MAGEA4: variants seen among roughly 807,000 people sequenced by gnomAD.
MAGEA4 encodes melanoma-associated antigen 4.
Under a neutral mutation model 13.7 loss-of-function variants are expected in MAGEA4, and 1 was observed. The observed-to-expected ratio is 0.07, with a 90% confidence interval of 0.03 to 0.35. MAGEA4 has a LOEUF of 0.35. Ranked by LOEUF, MAGEA4 falls within the 10% of genes least tolerant of loss-of-function variation. The pLI, the probability that MAGEA4 is intolerant of heterozygous loss-of-function variation, is 0.99. For missense variants in MAGEA4, 312 were observed against 245.1 expected (o/e 1.27, Z -1.82); for synonymous variants, 132 against 101.1 (o/e 1.31, Z -1.83).
intron 1 of MAGEA4, chrX:151,918,943 C>T (rs1933243454): frequency 1.3e-6 from 1 of 747,168 alleles, no homozygotes; most frequent in Admixed American, 9.3e-5. Flanking sequence ...ATGCCACTGA[C>T]TTGCGCATTC....
chrX:151,923,161 G>A (rs1324588776), intron 1 of MAGEA4, among the ~76,000 whole-genome samples: 2 of 111,854 alleles, frequency 1.8e-5, no homozygotes, highest in Non-Finnish European at 3.8e-5. Flanking sequence ...CTGAGGGACC[G>A]GGGCTGTGCT....
At chrX:151,912,595 G>C, upstream of MAGEA4, 1 of 324,585 alleles carries the variant, frequency 3.1e-6, no homozygotes, top group Non-Finnish European at 6.0e-6. Flanking sequence ...AGAGAGCTGA[G>C]GGTTCCCCAC....
chrX:151,920,971 G>A (rs894517310), intron 1 of MAGEA4, among the ~76,000 whole-genome samples: 10 of 110,906 alleles, frequency 9.0e-5, no homozygotes, highest in Non-Finnish European at 1.5e-4. Flanking sequence ...CGCCCCCTTC[G>A]CAACGCGTTT....
chrX:151,919,415 A>G (rs1372996608), intron 1 of MAGEA4, among the ~76,000 whole-genome samples: 7 of 84,868 alleles, frequency 8.2e-5, no homozygotes, highest in Admixed American at 1.4e-4. Flanking sequence ...TCACACCACC[A>G]TCTCCCACCC....
chrX:151,924,384 T>C lies in MAGEA4; in HGVS notation c.720T>C (p.Tyr240=). The change falls in exon 3 of 3, where the codon TAT becomes TAC. Residue 240 remains tyrosine (Y), a synonymous_variant. Coordinates refer to ENST00000276344, the MANE Select transcript of MAGEA4 (RefSeq NM_001011548.1). ...GVYDGREHTV[Y]GEPRKLLTQD... ...ATGATGGGAGGGAGCACACTGTCTA[T>C]GGGGAGCCCAGGAAACTGCTCACCC... The C allele has an allele frequency of 8.3e-7, 1 of 1,210,573 alleles. No individual in the cohort carries two copies. Among genetic ancestry groups the C allele is most frequent in the South Asian group, 1.8e-5 (1 of 56,694 alleles).
At chrX:151,920,864 G>C (rs1603073386) in intron 1 of MAGEA4, among the ~76,000 whole-genome samples, 2 of 110,487 alleles carry the variant, frequency 1.8e-5, no homozygotes, top group East Asian at 5.8e-4. Context: ...GTGAGACTCT[G>C]AGGGAGGATT....
In MAGEA4 at chrX:151,924,063, G is replaced by A; in HGVS notation, c.399G>A (p.Lys133=). The A allele has an allele frequency of 1.6e-6, 2 of 1,212,205 alleles. No individual in the cohort carries two copies. The highest frequency in any genetic ancestry group is 2.2e-6 in the Non-Finnish European group (2 of 895,647). ...ATCGAGCCAAGGAGCTGGTCACAAA[G>A]GCAGAAATGCTGGAGAGAGTCATCA... is the stretch of plus-strand genomic sequence containing the variant. The part of the protein sequence containing the change: ...RKYRAKELVT[K]AEMLERVIKN... Residue 133 remains lysine, a synonymous_variant, in exon 3 of 3, where the codon AAG becomes AAA. Transcript: ENST00000276344.
chrX:151,919,190 G>A (rs1374427022), intron 1 of MAGEA4, among the ~76,000 whole-genome samples: 2 of 106,590 alleles, frequency 1.9e-5, no homozygotes, highest in African/African-American at 6.9e-5. Flanking sequence ...AGTCACATGG[G>A]ACTCTGGAGT....
chrX:151,924,383 A>G lies in MAGEA4; in HGVS notation c.719A>G (p.Tyr240Cys). The change falls in exon 3 of 3, where the codon TAT becomes TGT. Residue 240 changes from tyrosine (Y) to cysteine (C), a missense_variant. By Grantham distance (194) the Tyr-to-Cys change is radical (BLOSUM62 -2). Transcript: ENST00000276344. ...TATGATGGGAGGGAGCACACTGTCT[A>G]TGGGGAGCCCAGGAAACTGCTCACC... ...GVYDGREHTV[Y>C]GEPRKLLTQD... The G allele has an allele frequency of 2.5e-6, 3 of 1,210,730 alleles. No homozygotes were observed. Among genetic ancestry groups the G allele is most frequent in the Non-Finnish European group, 3.4e-6 (3 of 894,916 alleles).
At chrX:151,912,775 C>G (rs748458203), upstream of MAGEA4, 13 of 135,563 alleles carry the variant, frequency 9.6e-5, no homozygotes, top group Non-Finnish European at 1.7e-4. Flanking sequence ...TGCACCCCCA[C>G]CCCCCAACAC....
intron 1 of MAGEA4, chrX:151,913,670 C>T (rs1933000900): frequency 1.3e-5 from 9 of 705,642 alleles, no homozygotes; most frequent in East Asian, 1.6e-4. Flanking sequence ...CTGCTACCAG[C>T]CGTGGGCCAC....
chrX:151,922,502 G>A (rs1316705551), intron 1 of MAGEA4, among the ~76,000 whole-genome samples: 1 of 111,247 alleles, frequency 9.0e-6, no homozygotes, highest in African/African-American at 3.3e-5. Flanking sequence ...ACAGGATGTG[G>A]CTCCTTCTCA....
In MAGEA4 at chrX:151,924,396, G is replaced by C; in HGVS notation, c.732G>C (p.Arg244Ser). The C allele has an allele frequency of 8.3e-7, 1 of 1,211,109 alleles. No individual in the cohort carries two copies. ...GREHTVYGEP[R>S]KLLTQDWVQE... ...AGCACACTGTCTATGGGGAGCCCAG[G>C]AAACTGCTCACCCAAGATTGGGTGC... is the stretch of plus-strand genomic sequence containing the variant. The change falls in exon 3 of 3, where the codon AGG becomes AGC. Residue 244 changes from arginine (R) to serine (S), a missense_variant. Arg to Ser is a moderately radical substitution (Grantham distance 110, BLOSUM62 -1). Transcript: ENST00000276344.
chrX:151,922,346 AGG>A (rs1221538526), intron 1 of MAGEA4, among the ~76,000 whole-genome samples: 1 of 111,084 alleles, frequency 9.0e-6, no homozygotes, highest in African/African-American at 3.3e-5. Flanking sequence ...TTTGGAGTAA[AGG>A]GGCAATGTTT....
chrX:151,918,846 C>T (rs1434129835), intron 1 of MAGEA4: 1 of 332,651 alleles, frequency 3.0e-6, no homozygotes, highest in South Asian at 1.7e-4. Context: ...CCCCCTCCAC[C>T]GACCTCACCC....
chrX:151,919,314 C>T lies in MAGEA4; in HGVS notation c.-137-4139C>T, dbSNP rs1183618381. Among the ~76,000 whole-genome samples the T allele has an allele frequency of 4.8e-5, 4 of 82,690 alleles. No individual in the cohort carries two copies. In the East Asian group the frequency reaches 1.2e-3, roughly 25 times the overall value. The allele number at this position is 82,690 out of a possible 115,157, so 71.8% of individuals were successfully genotyped here. ...CCACCCCCATTCCCATCCCCCACCC[C>T]CTCCCCTTTCCCATTACTATTTGCA... On this transcript the variant is annotated intron_variant, in intron 1 of 2. Coordinates refer to ENST00000276344, the MANE Select transcript of MAGEA4 (RefSeq NM_001011548.1).
At position 151,923,795 on chromosome X, in the gene MAGEA4, C is replaced by G. The variant is rs1011469187; in HGVS notation, c.131C>G (p.Ser44Cys). The G allele has an allele frequency of 3.3e-6, 4 of 1,206,823 alleles. No individual in the cohort carries two copies. The highest frequency in any genetic ancestry group is 3.5e-5 in the African/African-American group (2 of 57,012). Reference protein sequence around the residue: ...EEQEAAVSSSSPLVPGTLEEV... With the variant: ...EEQEAAVSSSCPLVPGTLEEV... ...CAGGAGGCTGCTGTCTCCTCCTCCTCTCCTCTGGTCCCTGGCACCCTGGAG... is the reference window on the plus strand; with the variant it reads ...CAGGAGGCTGCTGTCTCCTCCTCCTGTCCTCTGGTCCCTGGCACCCTGGAG... The change falls in exon 3 of 3, where the codon TCT (serine) becomes TGT (cysteine). Residue 44 changes from serine (S) to cysteine (C), a missense_variant. Ser to Cys is a moderately radical substitution (Grantham distance 112, BLOSUM62 -1). Coordinates refer to ENST00000276344, the MANE Select transcript of MAGEA4 (RefSeq NM_001011548.1).
Position 151,924,132 on chromosome X carries a change from C to T in MAGEA4, c.468C>T (p.Ser156=), listed in dbSNP as rs202047929. Residue 156 remains serine (S), a synonymous_variant, in exon 3 of 3, where the codon TCC becomes TCT. Coordinates refer to ENST00000276344, the MANE Select transcript of MAGEA4 (RefSeq NM_001011548.1). ...TTCCTGTGATCTTCGGCAAAGCCTC[C>T]GAGTCCCTGAAGATGATCTTTGGCA... is the stretch of plus-strand genomic sequence containing the variant. ...RCFPVIFGKA[S]ESLKMIFGID... is the part of the protein sequence containing the mutation. 83 of 1,210,600 alleles carry T rather than the reference C, an allele frequency of 6.9e-5. No individual in the cohort carries two copies. Among genetic ancestry groups the T allele is most frequent in the East Asian group, 3.0e-4 (10 of 33,749 alleles).
intron 1 of MAGEA4, among the ~76,000 whole-genome samples, chrX:151,919,272 A>G (rs1933270533): frequency 1.0e-5 from 1 of 99,054 alleles, no homozygotes; most frequent in African/African-American, 3.8e-5. Flanking sequence ...GGACCCTAAG[A>G]GAGGGCTAAG....
Sources: allele counts gnomAD v4.1 joint callset (sites outside exome capture counted in the v4.1 genomes callset), GRCh38; gene constraint gnomAD v4.1.1; transcripts MANE v1.5; gene names NCBI Gene and HGNC (gene_info 2026-07-23, HGNC 2026-07-21).